Variants in NRG3 observed in about 807,000 individuals in gnomAD.
NRG3 encodes neuregulin 3.
NRG3 carries 31 observed loss-of-function variants against 66.9 expected under a neutral mutation model. The ratio of observed to expected loss-of-function variants is 0.46; its 90% CI spans 0.35 to 0.63. The LOEUF is 0.63. Among genes scored for constraint, NRG3 ranks in the 20% least tolerant of loss-of-function variants. NRG3 has a pLI of 0.00. For missense variants in NRG3, 910 were observed against 878.9 expected (o/e 1.04, Z -0.45); for synonymous variants, 393 against 359.4 (o/e 1.09, Z -1.06).
At chr10:82,960,483 GAGAA>G (rs1850533186) in intron 6 of NRG3, among the ~76,000 whole-genome samples, 2 of 111,754 alleles carry the variant, frequency 1.8e-5, no homozygotes, top group African/African-American at 6.8e-5. Context: ...TTTTTTTTTT[GAGAA>G]AGAAAGAAGT....
chr10:82,136,017 GC>G (rs1332774669), intron 1 of NRG3, among the ~76,000 whole-genome samples: 1 of 152,010 alleles, frequency 6.6e-6, no homozygotes, highest in Non-Finnish European at 1.5e-5. Flanking sequence ...GGAATAGAGT[GC>G]TGTGATCTAA....
At chr10:82,071,551 CTG>C (rs1006694012) in intron 1 of NRG3, among the ~76,000 whole-genome samples, 1 of 152,080 alleles carries the variant, frequency 6.6e-6, no homozygotes, top group Admixed American at 6.6e-5. Context: ...AGAAGGGACA[CTG>C]TTGCTGAGCA....
At chr10:82,949,383 C>T (rs925182939) in intron 4 of NRG3, among the ~76,000 whole-genome samples, 1 of 151,786 alleles carries the variant, frequency 6.6e-6, no homozygotes, top group Non-Finnish European at 1.5e-5. Flanking sequence ...ATACTGGCAT[C>T]ATAAAATGAA....
chr10:82,868,183 G>A (rs1016781317), intron 4 of NRG3, among the ~76,000 whole-genome samples: 2 of 152,142 alleles, frequency 1.3e-5, no homozygotes, highest in African/African-American at 4.8e-5. Context: ...ATCCTGTTGT[G>A]CTTCCTATTG....
At chr10:82,922,983 A>C (rs1846597187) in intron 4 of NRG3, among the ~76,000 whole-genome samples, 1 of 152,180 alleles carries the variant, frequency 6.6e-6, no homozygotes, top group African/African-American at 2.4e-5. Context: ...AACATCTCTC[A>C]GAGTATTCAA....
At chr10:82,054,053 G>A (rs1489511838) in intron 1 of NRG3, among the ~76,000 whole-genome samples, 1 of 152,176 alleles carries the variant, frequency 6.6e-6, no homozygotes, top group Admixed American at 6.5e-5. Flanking sequence ...AGAAGTAATA[G>A]GGTTCTAAAC....
chr10:82,924,900 T>A (rs1846829092), intron 4 of NRG3, among the ~76,000 whole-genome samples: 1 of 152,126 alleles, frequency 6.6e-6, no homozygotes, highest in African/African-American at 2.4e-5. Flanking sequence ...AAGTCTCCTA[T>A]AATTATAGGG....
intron 1 of NRG3, among the ~76,000 whole-genome samples, chr10:82,146,819 A>G (rs898623216): frequency 1.2e-4 from 18 of 152,182 alleles, no homozygotes; most frequent in Non-Finnish European, 1.3e-4. Context: ...TCTCCATCAC[A>G]GAGCCCTGGG....
At chr10:82,977,351 G>A (rs1211764911) in intron 7 of NRG3, among the ~76,000 whole-genome samples, 1 of 152,112 alleles carries the variant, frequency 6.6e-6, no homozygotes, top group East Asian at 1.9e-4. Flanking sequence ...GCTCAAACCT[G>A]TAATCCCAGC....
At chr10:82,867,555 G>A (rs1361346201) in intron 4 of NRG3, among the ~76,000 whole-genome samples, 1 of 152,166 alleles carries the variant, frequency 6.6e-6, no homozygotes, top group Non-Finnish European at 1.5e-5. Context: ...TACGTTAGAA[G>A]CCAGGAGGAC....
intron 1 of NRG3, among the ~76,000 whole-genome samples, chr10:82,271,846 G>A (rs1002740011): frequency 6.6e-6 from 1 of 151,958 alleles, no homozygotes; most frequent in Admixed American, 6.6e-5. Flanking sequence ...GGCTTATCTT[G>A]TTCTTTTCCT....
chr10:82,652,864 T>G (rs74146152), intron 2 of NRG3, among the ~76,000 whole-genome samples: 17,543 of 152,168 alleles, frequency 0.12, 1,110 homozygotes, highest in East Asian at 0.23. Context: ...GTGTGTGAGA[T>G]AATAAATGTG....
chr10:82,966,872 G>T (rs929993818), intron 6 of NRG3, among the ~76,000 whole-genome samples: 1 of 151,638 alleles, frequency 6.6e-6, no homozygotes, highest in African/African-American at 2.4e-5. Flanking sequence ...AGGTCTTTCA[G>T]CTGGCTTATG....
At chr10:82,550,956 A>C (rs557351831) in intron 2 of NRG3, among the ~76,000 whole-genome samples, 1 of 152,240 alleles carries the variant, frequency 6.6e-6, no homozygotes, top group Admixed American at 6.5e-5. Flanking sequence ...TCTGAGACAT[A>C]CTACCAGATC....
intron 4 of NRG3, among the ~76,000 whole-genome samples, chr10:82,907,181 G>C (rs911629932): frequency 2.0e-5 from 3 of 152,002 alleles, no homozygotes; most frequent in African/African-American, 7.3e-5. Flanking sequence ...AGAGATTCTT[G>C]GACTCTTTGC....
chr10:82,162,329 A>C (rs927296985), intron 1 of NRG3, among the ~76,000 whole-genome samples: 1 of 152,106 alleles, frequency 6.6e-6, no homozygotes, highest in African/African-American at 2.4e-5. Flanking sequence ...AAAATCACTG[A>C]GCTTTCCTTT....
Position 82,393,062 on chromosome 10 carries a change from C to T in NRG3, c.953+34194C>T, listed in dbSNP as rs956172591. Among the ~76,000 whole-genome samples the T allele has an allele frequency of 4.2e-4, 64 of 151,314 alleles. 1 individual carries two copies. Among genetic ancestry groups the T allele is most frequent in the Non-Finnish European group, 7.4e-5 (5 of 67,986 alleles). ...GTTAAAATGGAATGTTGATCAAATG[C>T]TCTGACTTCTTAAGTATGGTTTGTC... On this transcript the variant is annotated intron_variant, in intron 2 of 8. Transcript: ENST00000372141.
chr10:82,427,311 G>C (rs903950713), intron 2 of NRG3, among the ~76,000 whole-genome samples: 2 of 151,982 alleles, frequency 1.3e-5, no homozygotes, highest in African/African-American at 4.8e-5. Flanking sequence ...TAATGGTGTT[G>C]GTTTTTCATA....
intron 7 of NRG3, 47 bp downstream of exon 7, chr10:82,973,962 G>A (rs1852010617): frequency 1.9e-6 from 3 of 1,606,802 alleles, no homozygotes; most frequent in South Asian, 1.1e-5. Flanking sequence ...CACACTGTGT[G>A]TATGCTGGGT....
Sources: gnomAD v4.1 joint callset for allele counts (sites outside exome capture counted in the v4.1 genomes callset) on GRCh38, gnomAD v4.1.1 for gene constraint, MANE v1.5 for transcripts, NCBI Gene and HGNC (gene_info 2026-07-23, HGNC 2026-07-21) for gene names.